VPS13C: variants seen among roughly 807,000 people sequenced by gnomAD.
VPS13C encodes the protein intermembrane lipid transfer protein VPS13C.
A neutral mutation model predicts 456.8 loss-of-function variants in VPS13C; 358 were observed. The ratio of observed to expected loss-of-function variants is 0.78; its 90% CI spans 0.72 to 0.86. The LOEUF is 0.86. Ranked by LOEUF, VPS13C falls within the 40% of genes least tolerant of loss-of-function variation. VPS13C has a pLI of 0.00. For synonymous variants in VPS13C, 1,578 were observed against 1,486.7 expected, an observed-to-expected ratio of 1.06 and a Z score of -1.41; for missense variants, 4,818 against 4,385.4, an observed-to-expected ratio of 1.10 and a Z score of -2.79.
chr15:61,969,437 T>C lies in VPS13C; in HGVS notation c.2773A>G (p.Thr925Ala). ...FEIKEVILEFTKQQKEEDTIL... is the reference protein window; with the variant it reads ...FEIKEVILEFAKQQKEEDTIL... ...GTATCTTCTTCTTTCTGCTGTTTAG[T>C]AAATTCCAAAATCACCTAAAAGAAT... The change falls in exon 28 of 85, where the codon ACT becomes GCT. Residue 925 changes from threonine to alanine, a missense_variant. Physicochemically the swap from Thr to Ala is moderately conservative, Grantham distance 58. This residue lies in a region of VPS13C where 4,552 missense variants were observed against 4,130.6 expected (regional missense o/e 1.10). Coordinates refer to ENST00000644861, the MANE Select transcript of VPS13C (RefSeq NM_020821.3). The C allele has an allele frequency of 1.3e-6, 2 of 1,541,654 alleles. No individual in the cohort carries two copies. The highest frequency in any genetic ancestry group is 1.8e-6 in the Non-Finnish European group (2 of 1,142,138).
intron 82 of VPS13C, among the ~76,000 whole-genome samples, chr15:61,860,805 G>T (rs959550259): frequency 2.0e-5 from 3 of 152,116 alleles, no homozygotes; most frequent in African/African-American, 7.2e-5. Context: ...GATATTTTTA[G>T]GGGTGATCAT....
At position 61,881,757 on chromosome 15, in the gene VPS13C, A is replaced by G; in HGVS notation, c.9696T>C (p.Ala3232=). The part of the protein sequence containing the change: ...FHPVAPPKSI[A]LDSEPKPFID... ...CTTATTTTATTTTACCTGAATCTAAAGCAATAGATTTTGGAGGGGCAACAG... is the reference window on the plus strand; with the variant it reads ...CTTATTTTATTTTACCTGAATCTAAGGCAATAGATTTTGGAGGGGCAACAG... The change falls in exon 70 of 85, where the codon GCT becomes GCC. Residue 3232 remains alanine, a synonymous_variant. Coordinates refer to ENST00000644861, the MANE Select transcript of VPS13C (RefSeq NM_020821.3). 6.2e-7 allele frequency: 1 copy of G among 1,609,234 alleles called. No individual in the cohort carries two copies. The highest frequency in any genetic ancestry group is 1.1e-5 in the South Asian group (1 of 89,754).
At chr15:61,913,806 G>T (rs1248095822) in intron 61 of VPS13C, among the ~76,000 whole-genome samples, 4 of 152,138 alleles carry the variant, frequency 2.6e-5, no homozygotes, top group Non-Finnish European at 5.9e-5. Context: ...CTTCAACATT[G>T]TTCAGCAGAC....
intron 82 of VPS13C, 25 bp from the exon 83 acceptor site, chr15:61,856,434 C>G (rs775268809): frequency 6.2e-7 from 1 of 1,609,668 alleles, no homozygotes; most frequent in South Asian, 1.1e-5. Context: ...AAAACAAAAA[C>G]TTACAGTAAA....
At chr15:61,989,308 G>A (rs1244779290) in intron 18 of VPS13C, among the ~76,000 whole-genome samples, 5 of 151,976 alleles carry the variant, frequency 3.3e-5, no homozygotes, top group African/African-American at 1.2e-4. Context: ...GCTTGAGGCA[G>A]GAGACTCACT....
intron 59 of VPS13C, 95 bp downstream of exon 59, chr15:61,918,041 C>A: frequency 7.6e-7 from 1 of 1,309,538 alleles, no homozygotes; most frequent in Non-Finnish European, 1.0e-6. Flanking sequence ...CTGGCTTTTA[C>A]TGATCTTTAG....
In VPS13C at chr15:62,023,494, T is replaced by C. The variant is rs1423622518; in HGVS notation, c.541A>G (p.Thr181Ala). ...KDKPKEAKKDTFVEKLATQVI... is the reference protein window; with the variant it reads ...KDKPKEAKKDAFVEKLATQVI... Reference sequence around the variant, plus strand: ...TGAGTTGCCAATTTTTCCACAAATGTATCCTTTTTGGCTTCTTTTGGCTTA... The same window carrying C: ...TGAGTTGCCAATTTTTCCACAAATGCATCCTTTTTGGCTTCTTTTGGCTTA... Residue 181 changes from threonine (T) to alanine (A), a missense_variant, in exon 8 of 85, where the codon ACA (threonine) becomes GCA (alanine). Thr to Ala is a moderately conservative substitution (Grantham distance 58). Around this residue, in one of 3 missense-constraint regions of VPS13C, gnomAD observed 4,552 missense variants for 4,130.6 expected, o/e 1.10. Transcript: ENST00000644861. The C allele has an allele frequency of 3.8e-6, 6 of 1,585,196 alleles. No individual in the cohort carries two copies. The African/African-American group carries it at 6.8e-5, about 18-fold the overall frequency.
intron 61 of VPS13C, among the ~76,000 whole-genome samples, chr15:61,914,314 A>C (rs902637284): frequency 1.3e-5 from 2 of 152,020 alleles, no homozygotes; most frequent in African/African-American, 4.8e-5. Flanking sequence ...CACACCTGTA[A>C]TCCCAGCATT....
At position 61,870,515 on chromosome 15, in the gene VPS13C, T is replaced by A. The variant is rs1202771056; in HGVS notation, c.10625-892A>T. On this transcript the variant is annotated intron_variant, in intron 79 of 84. Transcript: ENST00000644861. Reference sequence around the variant, plus strand: ...TAATGTATGAAAATATCACCTTTTGTTTATTCATGTATCAGGTGATGGACA... The same window carrying A: ...TAATGTATGAAAATATCACCTTTTGATTATTCATGTATCAGGTGATGGACA... 2.6e-5 allele frequency among the ~76,000 whole-genome samples: 4 copies of A among 152,212 alleles called. No individual in the cohort carries two copies. The East Asian group carries it at 7.7e-4, about 29-fold the overall frequency.
At chr15:61,944,671 T>C (rs1319248981) in intron 45 of VPS13C, among the ~76,000 whole-genome samples, 2 of 152,068 alleles carry the variant, frequency 1.3e-5, no homozygotes, top group African/African-American at 4.8e-5. Context: ...TGAAAAACTA[T>C]TCTCAGTACT....
chr15:61,896,612 G>A (rs1391520318), intron 66 of VPS13C, among the ~76,000 whole-genome samples: 4 of 152,204 alleles, frequency 2.6e-5, no homozygotes, highest in Non-Finnish European at 4.4e-5. Context: ...CGCCCACGGA[G>A]TCTCGCTGAT....
In VPS13C at chr15:61,912,976, A is replaced by G. The variant is rs543066047; in HGVS notation, c.8550+335T>C. Among the ~76,000 whole-genome samples the G allele has an allele frequency of 1.5e-4, 22 of 151,204 alleles. 1 individual carries two copies. Among genetic ancestry groups the G allele is most frequent in the Admixed American group, 1.4e-3 (21 of 15,168 alleles). The stretch of plus-strand genomic sequence containing the variant: ...CAGAGAAATGCAAATCAAAACCACA[A>G]TGAGATACCATCTCACACCAGTTAG... On this transcript the variant is annotated intron_variant, in intron 62 of 84. Transcript: ENST00000644861.
chr15:62,023,652 A>T, intron 7 of VPS13C, 128 bp downstream of exon 7: 2 of 1,108,056 alleles, frequency 1.8e-6, no homozygotes, highest in Non-Finnish European at 2.6e-6. Flanking sequence ...ATATTTTAAT[A>T]TGCATTTCCA....
At chr15:61,877,732 A>G (rs1293838745) in intron 74 of VPS13C, among the ~76,000 whole-genome samples, 2 of 152,018 alleles carry the variant, frequency 1.3e-5, no homozygotes, top group East Asian at 3.9e-4. Flanking sequence ...ACCACCCCTG[A>G]CTAGTATTAA....
chr15:61,958,229 A>G (rs1038636885), intron 37 of VPS13C, among the ~76,000 whole-genome samples: 12 of 152,004 alleles, frequency 7.9e-5, no homozygotes, highest in Non-Finnish European at 1.6e-4. Flanking sequence ...ATTCTTACAG[A>G]TGTTTTACTA....
chr15:62,050,844 CTGGATCAAAATTTAG>C (rs1299533641), intron 1 of VPS13C, among the ~76,000 whole-genome samples: 1 of 139,028 alleles, frequency 7.2e-6, no homozygotes, highest in Non-Finnish European at 1.6e-5. Flanking sequence ...TGGATCAAAA[CTGGATCAAAATTTAG>C]TATTCTTCAA....
intron 15 of VPS13C, among the ~76,000 whole-genome samples, chr15:62,006,259 C>G (rs141353770): frequency 2.0e-5 from 3 of 152,028 alleles, no homozygotes; most frequent in African/African-American, 7.2e-5. Flanking sequence ...CCCCTCTCCC[C>G]GCACCCCACA....
In VPS13C at chr15:61,961,572, T is replaced by C. The variant is rs2045207922; in HGVS notation, c.3908+17A>G. 1 of 1,523,726 alleles carries C rather than the reference T, an allele frequency of 6.6e-7. No individual in the cohort carries two copies. The allele number at this position is 1,523,726 out of a possible 1,614,324, so 94.4% of individuals were successfully genotyped here. On this transcript the variant is annotated intron_variant, in intron 35 of 84. Coordinates refer to ENST00000644861, the MANE Select transcript of VPS13C (RefSeq NM_020821.3). ...ATGAATATAATATTTAAATCCATAATTATTGAAAGAGCATACCTATAAAGT... is the reference window on the plus strand; with the variant it reads ...ATGAATATAATATTTAAATCCATAACTATTGAAAGAGCATACCTATAAAGT...
intron 59 of VPS13C, among the ~76,000 whole-genome samples, 187 bp downstream of exon 59, chr15:61,917,949 A>G (rs924856693): frequency 2.0e-5 from 3 of 152,122 alleles, no homozygotes; most frequent in South Asian, 4.1e-4. Flanking sequence ...GACATCAAAT[A>G]TACAGTCAGG....
Sources: gnomAD v4.1 joint callset for allele counts (sites outside exome capture counted in the v4.1 genomes callset) on GRCh38, gnomAD v4.1.1 for gene constraint, gnomAD v4.1.1 regional missense constraint, MANE v1.5 for transcripts, NCBI Gene and HGNC (gene_info 2026-07-23, HGNC 2026-07-21) for gene names.